PIP5K1B: variants seen among roughly 807,000 people sequenced by gnomAD.
PIP5K1B encodes phosphatidylinositol 4-phosphate 5-kinase type-1 beta.
PIP5K1B carries 42 observed loss-of-function variants against 67.0 expected under a neutral mutation model. The observed-to-expected ratio is 0.63, with a 90% CI of 0.49 to 0.81. The LOEUF is 0.81. Ranked by LOEUF, PIP5K1B falls within the 30% of genes least tolerant of loss-of-function variation. The probability of loss-of-function intolerance (pLI) is 0.00; values close to 1 mark genes in which losing one functional copy is unlikely to be tolerated. For missense variants in PIP5K1B, 459 were observed against 646.3 expected, an observed-to-expected ratio of 0.71 and a Z score of 3.14; for synonymous variants, 214 against 231.4, an observed-to-expected ratio of 0.92 and a Z score of 0.68.
At chr9:68,922,409 G>A (rs1826448930) in intron 11 of PIP5K1B, among the ~76,000 whole-genome samples, 2 of 149,568 alleles carry the variant, frequency 1.3e-5, no homozygotes, top group East Asian at 2.0e-4. Flanking sequence ...GTTGCAGTGA[G>A]CCGAGATCCG....
intron 4 of PIP5K1B, among the ~76,000 whole-genome samples, chr9:68,833,453 G>T (rs144488853): frequency 1.3e-5 from 2 of 152,228 alleles, no homozygotes; most frequent in East Asian, 3.8e-4. Flanking sequence ...GCCGAGTAGC[G>T]TGACAGCAGC....
chr9:68,949,409 A>G (rs903766064), intron 14 of PIP5K1B, among the ~76,000 whole-genome samples: 18 of 152,346 alleles, frequency 1.2e-4, no homozygotes, highest in African/African-American at 4.3e-4. Flanking sequence ...TTCTTTGGAA[A>G]TAAACTCTTC....
intron 12 of PIP5K1B, among the ~76,000 whole-genome samples, chr9:68,931,925 A>C (rs1206121183): frequency 3.9e-5 from 6 of 152,206 alleles, no homozygotes; most frequent in Non-Finnish European, 8.8e-5. Flanking sequence ...ATTTCTGCAA[A>C]ATCCAAGCTC....
At chr9:69,008,229 C>T (rs1457178589) in intron 15 of PIP5K1B, among the ~76,000 whole-genome samples, 1 of 152,154 alleles carries the variant, frequency 6.6e-6, no homozygotes, top group Non-Finnish European at 1.5e-5. Context: ...GTAGTCAGGA[C>T]TCAATCTTGA....
intron 4 of PIP5K1B, among the ~76,000 whole-genome samples, chr9:68,831,826 C>T (rs1292284434): frequency 1.3e-5 from 2 of 152,122 alleles, no homozygotes; most frequent in Admixed American, 6.5e-5. Flanking sequence ...CAGGTGCCCA[C>T]CACCACGCCC....
intron 1 of PIP5K1B, among the ~76,000 whole-genome samples, chr9:68,720,555 ATC>A (rs1827836342): frequency 6.6e-6 from 1 of 151,720 alleles, no homozygotes; most frequent in Non-Finnish European, 1.5e-5. Context: ...TACTTTGGTC[ATC>A]TCTGTCTCTG....
At chr9:68,784,774 TGGAAA>T (rs1012359423) in intron 2 of PIP5K1B, among the ~76,000 whole-genome samples, 21 of 152,276 alleles carry the variant, frequency 1.4e-4, no homozygotes, top group African/African-American at 5.1e-4. Flanking sequence ...GAGTTGGCCT[TGGAAA>T]GGAGGTCTGG....
chr9:68,754,022 T>C (rs1829781533), intron 2 of PIP5K1B, among the ~76,000 whole-genome samples: 1 of 152,126 alleles, frequency 6.6e-6, no homozygotes, highest in Non-Finnish European at 1.5e-5. Context: ...TGTCAAGTTC[T>C]AAACAAAACT....
intron 2 of PIP5K1B, among the ~76,000 whole-genome samples, chr9:68,813,480 G>A (rs549518595): frequency 2.0e-5 from 3 of 152,328 alleles, no homozygotes; most frequent in East Asian, 1.9e-4. Context: ...GGGTTCTCTG[G>A]AAGCAAGCAC....
intron 14 of PIP5K1B, among the ~76,000 whole-genome samples, chr9:68,960,569 TTC>T (rs1432733636): frequency 6.6e-6 from 1 of 152,170 alleles, no homozygotes; most frequent in Non-Finnish European, 1.5e-5. Flanking sequence ...CTGTTGTTTT[TTC>T]TCTGTCTCCC....
At chr9:68,962,481 C>T (rs79276974) in intron 14 of PIP5K1B, among the ~76,000 whole-genome samples, 1,931 of 152,232 alleles carry the variant, frequency 0.013, 38 homozygotes, top group African/African-American at 0.044. Flanking sequence ...GATTTAAAGT[C>T]CTCAAATTCT....
At chr9:68,756,269 G>A (rs146882084) in intron 2 of PIP5K1B, among the ~76,000 whole-genome samples, 223 of 152,244 alleles carry the variant, frequency 1.5e-3, no homozygotes, top group African/African-American at 5.2e-3. Context: ...TTCCAAAGCC[G>A]AAAAAGGAAG....
intron 2 of PIP5K1B, among the ~76,000 whole-genome samples, chr9:68,762,082 T>A (rs746533401): frequency 1.3e-5 from 2 of 152,142 alleles, no homozygotes; most frequent in Non-Finnish European, 2.9e-5. Context: ...CTGGATTAAC[T>A]GAAGAGATTC....
At position 68,720,700 on chromosome 9, in the gene PIP5K1B, G is replaced by T. The variant is rs542212499; in HGVS notation, c.-243+14938G>T. ...CCCTATCTACCCGCTTTAAGCAATTGTAATACTGTCTCTTACCTGGGCTGG... is the reference window on the plus strand; with the variant it reads ...CCCTATCTACCCGCTTTAAGCAATTTTAATACTGTCTCTTACCTGGGCTGG... On this transcript the variant is annotated intron_variant, in intron 1 of 15. Coordinates refer to ENST00000265382, the MANE Select transcript of PIP5K1B (RefSeq NM_003558.4). Among the ~76,000 whole-genome samples, 5 of 151,116 alleles carry T rather than the reference G, an allele frequency of 3.3e-5. 1 individual carries two copies. In the Middle Eastern group the frequency reaches 0.017, roughly 525 times the overall value.
At chr9:69,003,872 C>T (rs1455920125) in intron 15 of PIP5K1B, among the ~76,000 whole-genome samples, 1 of 152,210 alleles carries the variant, frequency 6.6e-6, no homozygotes, top group Non-Finnish European at 1.5e-5. Context: ...GGGGATCCGA[C>T]TTCACAGTAC....
intron 6 of PIP5K1B, among the ~76,000 whole-genome samples, chr9:68,888,607 T>C (rs1295114991): frequency 6.6e-6 from 1 of 152,236 alleles, no homozygotes; most frequent in Non-Finnish European, 1.5e-5. Context: ...GGTGTTCAAG[T>C]GATAAAACAC....
chr9:69,002,323 T>C (rs188633531), intron 15 of PIP5K1B, among the ~76,000 whole-genome samples: 5 of 152,228 alleles, frequency 3.3e-5, no homozygotes, highest in South Asian at 2.1e-4. Flanking sequence ...TCCAAATATA[T>C]TTTTTAAGTA....
At chr9:68,948,312 A>G (rs768726302) in intron 14 of PIP5K1B, among the ~76,000 whole-genome samples, 1 of 152,200 alleles carries the variant, frequency 6.6e-6, no homozygotes, top group Admixed American at 6.5e-5. Context: ...ATCTCTCTCC[A>G]GTTGTGGCTG....
At chr9:68,860,206 C>T (rs1182732226) in intron 4 of PIP5K1B, among the ~76,000 whole-genome samples, 1 of 152,148 alleles carries the variant, frequency 6.6e-6, no homozygotes, top group African/African-American at 2.4e-5. Context: ...CCCCAGCCCC[C>T]AACCAGCCCC....
Sources: gnomAD v4.1 joint callset for allele counts (sites outside exome capture counted in the v4.1 genomes callset) on GRCh38, gnomAD v4.1.1 for gene constraint, MANE v1.5 for transcripts, NCBI Gene and HGNC (gene_info 2026-07-23, HGNC 2026-07-21) for gene names.